The following SYNPR variants were observed in gnomAD, a reference collection of about 807,000 sequenced individuals.
SYNPR encodes the protein synaptoporin.
In SYNPR, 23 loss-of-function variants were observed where a neutral mutation model predicts 32.9. That is an observed-to-expected ratio of 0.70 (90% CI 0.50 to 0.99). SYNPR has a LOEUF of 0.99. SYNPR is among the 50% of genes least tolerant of loss of function. SYNPR has a pLI of 0.00. For missense variants in SYNPR, 318 were observed against 349.3 expected, an observed-to-expected ratio of 0.91 and a Z score of 0.71; for synonymous variants, 146 against 135.9, an observed-to-expected ratio of 1.07 and a Z score of -0.52.
At chr3:63,332,357 T>G (rs2106985388) in intron 2 of SYNPR, among the ~76,000 whole-genome samples, 1 of 152,316 alleles carries the variant, frequency 6.6e-6, no homozygotes, top group Admixed American at 6.5e-5. Context: ...CATGGCTTTG[T>G]ACAGCTCACT....
intron 2 of SYNPR, among the ~76,000 whole-genome samples, chr3:63,261,122 T>C (rs182001668): frequency 2.6e-4 from 39 of 152,204 alleles, no homozygotes; most frequent in African/African-American, 8.4e-4. Flanking sequence ...TTGGTGGGAC[T>C]GCAAACTCGT....
At chr3:63,608,441 G>A (rs73120773) in intron 4 of SYNPR, among the ~76,000 whole-genome samples, 15,531 of 152,142 alleles carry the variant, frequency 0.1, 807 homozygotes, top group Non-Finnish European at 0.12. Context: ...TATGATTATT[G>A]TAAGAATAAT....
At chr3:63,484,252 T>C (rs965342399) in intron 3 of SYNPR, among the ~76,000 whole-genome samples, 1 of 152,160 alleles carries the variant, frequency 6.6e-6, no homozygotes, top group African/African-American at 2.4e-5. Context: ...TCCTTATTAT[T>C]TGTGATTACA....
intron 2 of SYNPR, among the ~76,000 whole-genome samples, chr3:63,361,271 G>C (rs1376694619): frequency 1.3e-5 from 2 of 152,034 alleles, no homozygotes; most frequent in Non-Finnish European, 2.9e-5. Flanking sequence ...AGGTAGCTTA[G>C]AGTGGTCTTA....
intron 4 of SYNPR, among the ~76,000 whole-genome samples, chr3:63,604,356 T>C (rs1700086590): frequency 6.6e-6 from 1 of 152,172 alleles, no homozygotes; most frequent in Non-Finnish European, 1.5e-5. Flanking sequence ...AGTTCAGCTC[T>C]GGTTTGGATT....
chr3:63,355,136 G>A (rs1353302401), intron 2 of SYNPR, among the ~76,000 whole-genome samples: 20 of 152,018 alleles, frequency 1.3e-4, no homozygotes, highest in African/African-American at 2.9e-4. Context: ...AAAATTAGCC[G>A]GGCATGGTGG....
chr3:63,518,184 T>C (rs62252785), intron 3 of SYNPR, among the ~76,000 whole-genome samples: 16,529 of 152,102 alleles, frequency 0.11, 1,105 homozygotes, highest in East Asian at 0.26. Context: ...ATCCCCCTTG[T>C]CTCTATGAGA....
chr3:63,243,867 TA>T (rs566870221), intron 1 of SYNPR, among the ~76,000 whole-genome samples: 4 of 150,992 alleles, frequency 2.6e-5, no homozygotes, highest in Non-Finnish European at 5.9e-5. Flanking sequence ...AGCTGTGGAA[TA>T]AAAAAAACAA....
intron 2 of SYNPR, among the ~76,000 whole-genome samples, chr3:63,455,691 A>G (rs1265737377): frequency 6.6e-6 from 1 of 151,842 alleles, no homozygotes; most frequent in Admixed American, 6.6e-5. Context: ...ATTATTAGTT[A>G]AATAAGCCTA....
At chr3:63,303,949 G>A (rs559935411) in intron 2 of SYNPR, among the ~76,000 whole-genome samples, 1 of 152,044 alleles carries the variant, frequency 6.6e-6, no homozygotes, top group South Asian at 2.1e-4. Context: ...GGGCAGTTGA[G>A]GGCTAAAATC....
the SYNPR span, among the ~76,000 whole-genome samples, chr3:63,219,078 A>G: frequency 3.9e-5 from 6 of 152,324 alleles, no homozygotes; most frequent in South Asian, 2.1e-4. Flanking sequence ...TTAAGTCAAG[A>G]TAAGTTCTAT....
intron 3 of SYNPR, among the ~76,000 whole-genome samples, chr3:63,539,668 T>A (rs1477346938): frequency 6.6e-6 from 1 of 152,120 alleles, no homozygotes; most frequent in Non-Finnish European, 1.5e-5. Flanking sequence ...AACAAAGACC[T>A]AGGCACAAGG....
intron 2 of SYNPR, among the ~76,000 whole-genome samples, chr3:63,408,206 A>AAAGAAAG (rs2088395603): frequency 1.6e-5 from 1 of 60,846 alleles, no homozygotes; most frequent in Admixed American, 1.7e-4. Context: ...GGAAGGAAGG[A>AAAGAAAG]AGGAAGGAAG....
chr3:63,325,714 G>A (rs1179019796), intron 2 of SYNPR, among the ~76,000 whole-genome samples: 1 of 151,900 alleles, frequency 6.6e-6, no homozygotes, highest in Admixed American at 6.6e-5. Context: ...GGTAACCTTG[G>A]AAAGTAATGT....
At chr3:63,405,288 C>T (rs1209355058) in intron 2 of SYNPR, among the ~76,000 whole-genome samples, 2 of 152,122 alleles carry the variant, frequency 1.3e-5, no homozygotes, top group East Asian at 1.9e-4. Context: ...AGAAGAAATA[C>T]GTGAGGCTAT....
the SYNPR span, among the ~76,000 whole-genome samples, chr3:63,211,708 C>CTTT: frequency 9.5e-4 from 140 of 146,924 alleles, no homozygotes; most frequent in South Asian, 4.4e-3. Context: ...TTGAATCTTT[C>CTTT]TTTTTTTTTT....
chr3:63,291,369 A>C (rs981406297), intron 2 of SYNPR, among the ~76,000 whole-genome samples: 2 of 147,312 alleles, frequency 1.4e-5, no homozygotes, highest in African/African-American at 5.0e-5. Flanking sequence ...TATGTGTATG[A>C]AAGTTCCCCT....
intron 4 of SYNPR, among the ~76,000 whole-genome samples, chr3:63,563,439 G>A (rs1702726318): frequency 6.6e-6 from 1 of 152,164 alleles, no homozygotes; most frequent in African/African-American, 2.4e-5. Flanking sequence ...CTACACCTTT[G>A]TTTGAGTATA....
chr3:63,588,786 G>A (rs1260447742), intron 4 of SYNPR, among the ~76,000 whole-genome samples: 5 of 152,016 alleles, frequency 3.3e-5, no homozygotes, highest in Non-Finnish European at 5.9e-5. Context: ...AGAAAGGCAG[G>A]AGTACTCTTC....
Sources: allele counts gnomAD v4.1 joint callset (sites outside exome capture counted in the v4.1 genomes callset), GRCh38; gene constraint gnomAD v4.1.1; transcripts MANE v1.5; gene names NCBI Gene and HGNC (gene_info 2026-07-23, HGNC 2026-07-21).